CAMTA1: variants seen among roughly 807,000 people sequenced by gnomAD.
CAMTA1 encodes calmodulin binding transcription activator 1, also known as calmodulin-binding transcription activator 1.
Under a neutral mutation model 170.9 loss-of-function variants are expected in CAMTA1, and 27 were observed. The ratio of observed to expected loss-of-function variants is 0.16; its 90% CI spans 0.12 to 0.22. The LOEUF (loss-of-function observed/expected upper bound fraction) is 0.22, where lower values mean the gene tolerates loss of function less well. CAMTA1 is among the 10% of genes least tolerant of loss of function. The pLI, the probability that CAMTA1 is intolerant of heterozygous loss-of-function variation, is 1.00. For missense variants in CAMTA1, 1,619 were observed against 2,217.2 expected, an observed-to-expected ratio of 0.73 and a Z score of 5.42; for synonymous variants, 833 against 891.5, an observed-to-expected ratio of 0.93 and a Z score of 1.17.
At chr1:7,459,569 G>C (rs1008752723) in intron 5 of CAMTA1, among the ~76,000 whole-genome samples, 1 of 152,168 alleles carries the variant, frequency 6.6e-6, no homozygotes, top group Non-Finnish European at 1.5e-5. Context: ...ACCCCCTTCT[G>C]TGAGCCCCAC....
chr1:7,101,887 A>G (rs1266902157), intron 4 of CAMTA1, among the ~76,000 whole-genome samples: 2 of 152,260 alleles, frequency 1.3e-5, no homozygotes. Flanking sequence ...CGGAGCATAT[A>G]CATGCACATA....
intron 6 of CAMTA1, among the ~76,000 whole-genome samples, chr1:7,578,788 C>A (rs2095228299): frequency 6.6e-6 from 1 of 152,164 alleles, no homozygotes; most frequent in African/African-American, 2.4e-5. Flanking sequence ...AGAGAGAGAG[C>A]AAGAGGCCCA....
chr1:6,961,458 G>A (rs1690393908), intron 3 of CAMTA1, among the ~76,000 whole-genome samples: 1 of 152,150 alleles, frequency 6.6e-6, no homozygotes, highest in South Asian at 2.1e-4. Flanking sequence ...GGGCCGGCAA[G>A]AAGGTGCGCT....
At chr1:6,786,949 T>A (rs1189005797) in intron 1 of CAMTA1, among the ~76,000 whole-genome samples, 2 of 152,204 alleles carry the variant, frequency 1.3e-5, no homozygotes, top group Non-Finnish European at 2.9e-5. Flanking sequence ...CTTCATCAGT[T>A]GACACTACCT....
chr1:7,216,241 C>T lies in CAMTA1; in HGVS notation c.303-33250C>T, dbSNP rs1231840445. Among the ~76,000 whole-genome samples the T allele has an allele frequency of 6.6e-6, 1 of 152,162 alleles. No homozygotes were observed. The highest frequency in any genetic ancestry group is 1.5e-5 in the Non-Finnish European group (1 of 68,030). On this transcript the variant is annotated intron_variant, in intron 4 of 22. Transcript: ENST00000303635. This position sits in a 1 kb window ranked among gnomAD's most constrained non-coding sequence, Gnocchi z 4.0. ...TCACAAAAACAGCAAGGGGGAAATC[C>T]TCCCCCATGATTCAGTCACCTCCCC...
Position 7,745,035 on chromosome 1 carries a change from A to G in CAMTA1, c.4370+13A>G. On this transcript the variant is annotated intron_variant, in intron 17 of 22. Coordinates refer to ENST00000303635, the MANE Select transcript of CAMTA1 (RefSeq NM_015215.4). ...CTGCCCAGATCCGGTGAGTAAAGTT[A>G]CGGAGGTCACTACCCAGCATAGATT... 1.2e-6 allele frequency: 2 copies of G among 1,604,540 alleles called. No individual in the cohort carries two copies. The highest frequency in any genetic ancestry group is 1.7e-6 in the Non-Finnish European group (2 of 1,175,318).
intron 3 of CAMTA1, among the ~76,000 whole-genome samples, chr1:6,916,536 T>A (rs1240794075): frequency 6.6e-6 from 1 of 152,212 alleles, no homozygotes; most frequent in East Asian, 1.9e-4. Context: ...TAAACTTTTA[T>A]CACTTTGCTG....
rs367948162 is a variant in CAMTA1 at position 7,505,937 on chromosome 1, C to G, written c.510+38036C>G. Among the ~76,000 whole-genome samples, 152 of 152,340 alleles carry G rather than the reference C, an allele frequency of 1.0e-3. No individual in the cohort carries two copies. In the South Asian group the frequency reaches 0.029, roughly 29 times the overall value. On this transcript the variant is annotated intron_variant, in intron 6 of 22. Coordinates refer to ENST00000303635, the MANE Select transcript of CAMTA1 (RefSeq NM_015215.4). ...GCCCTCCCAGTCCGAGAGGCCTCCT[C>G]ACCCAGGTTCTCAGGCGGGCAGGTT...
At chr1:7,303,593 T>A (rs923473009) in intron 5 of CAMTA1, among the ~76,000 whole-genome samples, 1 of 152,178 alleles carries the variant, frequency 6.6e-6, no homozygotes, top group African/African-American at 2.4e-5. Flanking sequence ...CCACAAGTAT[T>A]ACTGAGCAGC....
rs535523084 is a variant in CAMTA1 at position 7,415,976 on chromosome 1, G to A, written c.439-51854G>A. Among the ~76,000 whole-genome samples the A allele has an allele frequency of 8.8e-3, 1,340 of 152,184 alleles. 10 individuals are homozygous for A. Among genetic ancestry groups the A allele is most frequent in the Middle Eastern group, 0.024 (7 of 294 alleles). ...CCTGGCGGTGACAAAATCTCTCAGC[G>A]TTTGCTTGTCTGTAAAGTACTTTAT... On this transcript the variant is annotated intron_variant, in intron 5 of 22. Transcript: ENST00000303635.
intron 6 of CAMTA1, among the ~76,000 whole-genome samples, chr1:7,495,318 A>G (rs1166722685): frequency 6.6e-6 from 1 of 151,178 alleles, no homozygotes; most frequent in Non-Finnish European, 1.5e-5. Context: ...ATTAGAGTTC[A>G]TTTGATTCCC....
intron 4 of CAMTA1, among the ~76,000 whole-genome samples, chr1:7,227,281 T>A (rs1661878225): frequency 6.6e-6 from 1 of 152,198 alleles, no homozygotes; most frequent in Non-Finnish European, 1.5e-5. Context: ...TTATAAGTAG[T>A]TTACAGGATG....
rs748104919 is a variant in CAMTA1 at position 7,766,528 on chromosome 1, C to CTT, written c.*40_*41dup. On this transcript the variant is annotated 3_prime_UTR_variant, in exon 23 of 23. Coordinates refer to ENST00000303635, the MANE Select transcript of CAMTA1 (RefSeq NM_015215.4). ...AGCATCCCTTAGCAATGTGACATTG[C>CTT]TTTTCAGACTGTTTTCATTTCTGTT... 1.9e-5 allele frequency: 30 copies of CTT among 1,598,160 alleles called. No homozygotes were observed. The highest frequency in any genetic ancestry group is 2.6e-5 in the Non-Finnish European group (30 of 1,165,470).
intron 4 of CAMTA1, among the ~76,000 whole-genome samples, chr1:7,181,775 A>AAGAG (rs58094609): frequency 6.6e-6 from 1 of 151,082 alleles, no homozygotes; most frequent in African/African-American, 2.4e-5. Flanking sequence ...CATCATAAAA[A>AAGAG]AGTTTGTCCC....
chr1:6,849,051 G>T (rs1659406279), intron 3 of CAMTA1, among the ~76,000 whole-genome samples: 2 of 152,138 alleles, frequency 1.3e-5, no homozygotes, highest in African/African-American at 4.8e-5. Flanking sequence ...CTTTTGGGAG[G>T]CTCTGCTTTT....
chr1:7,540,619 C>T (rs1462650601), intron 6 of CAMTA1, among the ~76,000 whole-genome samples: 1 of 152,136 alleles, frequency 6.6e-6, no homozygotes, highest in Non-Finnish European at 1.5e-5. Flanking sequence ...CTGGATTCAC[C>T]CCCCAAAACC....
chr1:7,355,152 G>A (rs2084998222), intron 5 of CAMTA1, among the ~76,000 whole-genome samples: 1 of 147,692 alleles, frequency 6.8e-6, no homozygotes, highest in African/African-American at 2.5e-5. Flanking sequence ...TTTGCAGTGA[G>A]CCGAGATCAC....
intron 3 of CAMTA1, among the ~76,000 whole-genome samples, chr1:7,004,797 T>A (rs1698738717): frequency 6.6e-6 from 1 of 152,222 alleles, no homozygotes; most frequent in African/African-American, 2.4e-5. Context: ...AGATGGAGTC[T>A]CTTTCTGTCA....
At position 7,176,079 on chromosome 1, in the gene CAMTA1, C is replaced by A. The variant is rs114579811; in HGVS notation, c.303-73412C>A. The stretch of plus-strand genomic sequence containing the variant: ...ATGCACCTCACTTGGGCTATTCTGA[C>A]CTCAGATTCCTCCTCTTCGGTAATT... On this transcript the variant is annotated intron_variant, in intron 4 of 22. Coordinates refer to ENST00000303635, the MANE Select transcript of CAMTA1 (RefSeq NM_015215.4). 6.1e-3 allele frequency among the ~76,000 whole-genome samples: 936 copies of A among 152,334 alleles called. 4 individuals are homozygous for A. Among genetic ancestry groups the A allele is most frequent in the Admixed American group, 9.3e-3 (143 of 15,308 alleles).
Sources: allele counts gnomAD v4.1 joint callset (sites outside exome capture counted in the v4.1 genomes callset), GRCh38; gene constraint gnomAD v4.1.1; non-coding constraint Gnocchi (gnomAD v3.1); transcripts MANE v1.5; gene names NCBI Gene and HGNC (gene_info 2026-07-23, HGNC 2026-07-21).